The following LYPLAL1 variants were observed in gnomAD, a reference collection of about 807,000 sequenced individuals.
LYPLAL1 encodes lysophospholipase-like protein 1.
Under a neutral mutation model 19.7 loss-of-function variants are expected in LYPLAL1, and 23 were observed. That is an observed-to-expected ratio of 1.17 (90% CI 0.84 to 1.65). LYPLAL1 has a LOEUF of 1.65. Ranked by LOEUF, LYPLAL1 falls within the 40% of genes most tolerant of loss-of-function variation. The pLI, the probability that LYPLAL1 is intolerant of heterozygous loss-of-function variation, is 0.00. For missense variants in LYPLAL1, 355 were observed against 279.4 expected (o/e 1.27, Z -1.93); for synonymous variants, 119 against 96.3 (o/e 1.24, Z -1.38).
chr1:219,266,805 T>C, the LYPLAL1 span, among the ~76,000 whole-genome samples: 1 of 152,188 alleles, frequency 6.6e-6, no homozygotes, highest in Admixed American at 6.5e-5. Flanking sequence ...CAGTCCGTTG[T>C]TGATGGAAAT....
In LYPLAL1 at chr1:219,193,268, T is replaced by G; in HGVS notation, c.361+17T>G. On this transcript the variant is annotated intron_variant, in intron 3 of 4. Transcript: ENST00000366928. ...TATTAATAGGTAAGACCTTTAAATG[T>G]TGGTAATTTATCACTGTTCACTTTT... is the stretch of plus-strand genomic sequence containing the variant. The G allele has an allele frequency of 1.9e-6, 3 of 1,592,228 alleles. No homozygotes were observed. Among genetic ancestry groups the G allele is most frequent in the Non-Finnish European group, 2.6e-6 (3 of 1,166,534 alleles).
chr1:219,327,980 G>T, the LYPLAL1 span, among the ~76,000 whole-genome samples: 1 of 152,096 alleles, frequency 6.6e-6, no homozygotes, highest in East Asian at 1.9e-4. Context: ...CTAATACATA[G>T]GAAAATTGAT....
chr1:219,196,436 A>G (rs1386021081), intron 3 of LYPLAL1, among the ~76,000 whole-genome samples: 2 of 152,172 alleles, frequency 1.3e-5, no homozygotes, highest in East Asian at 3.8e-4. Flanking sequence ...CAGCTCTCTA[A>G]TGATAAGTGA....
the LYPLAL1 span, among the ~76,000 whole-genome samples, chr1:219,331,883 T>A: frequency 1.1e-4 from 17 of 152,276 alleles, no homozygotes; most frequent in Non-Finnish European, 4.4e-5. Flanking sequence ...CTTGCTATCA[T>A]GTGAGAGTCT....
At chr1:219,286,645 T>C in the LYPLAL1 span, among the ~76,000 whole-genome samples, 20,573 of 152,246 alleles carry the variant, frequency 0.14, 1,454 homozygotes, top group East Asian at 0.24. Context: ...TCACTGCTGC[T>C]GCATCCCACT....
chr1:219,290,664 G>A, the LYPLAL1 span, among the ~76,000 whole-genome samples: 5 of 151,978 alleles, frequency 3.3e-5, no homozygotes, highest in Non-Finnish European at 7.4e-5. Context: ...CTCTGTCTGC[G>A]GAATAGCTAT....
chr1:219,330,004 T>C, the LYPLAL1 span, among the ~76,000 whole-genome samples: 1 of 152,128 alleles, frequency 6.6e-6, no homozygotes, highest in African/African-American at 2.4e-5. Flanking sequence ...AGATAAATGT[T>C]AAAATTTACT....
chr1:219,246,463 G>T, the LYPLAL1 span, among the ~76,000 whole-genome samples: 1 of 152,098 alleles, frequency 6.6e-6, no homozygotes, highest in African/African-American at 2.4e-5. Flanking sequence ...GAGGAAAAAA[G>T]ATATTATTTA....
the LYPLAL1 span, among the ~76,000 whole-genome samples, chr1:219,240,896 C>A: frequency 2.0e-5 from 3 of 151,676 alleles, no homozygotes; most frequent in Non-Finnish European, 2.9e-5. Flanking sequence ...CACTTCTAGG[C>A]CTGATCCTTA....
chr1:219,384,980 C>G, the LYPLAL1 span, among the ~76,000 whole-genome samples: 1 of 152,156 alleles, frequency 6.6e-6, no homozygotes, highest in African/African-American at 2.4e-5. Context: ...AAATAAGACT[C>G]TACGGATCTT....
At chr1:219,444,574 G>C in the LYPLAL1 span, among the ~76,000 whole-genome samples, 2 of 152,276 alleles carry the variant, frequency 1.3e-5, no homozygotes, top group South Asian at 4.1e-4. Context: ...TATTGAAACA[G>C]TTCCTGTTCT....
At chr1:219,288,941 C>T in the LYPLAL1 span, among the ~76,000 whole-genome samples, 3 of 152,260 alleles carry the variant, frequency 2.0e-5, no homozygotes, top group South Asian at 2.1e-4. Context: ...TCATTAGGCA[C>T]GCTCTCATTT....
At chr1:219,277,803 A>T in the LYPLAL1 span, among the ~76,000 whole-genome samples, 1 of 151,958 alleles carries the variant, frequency 6.6e-6, no homozygotes, top group Admixed American at 6.6e-5. Flanking sequence ...TTTTTTTTTT[A>T]AATATCAGAG....
At chr1:219,360,980 T>C in the LYPLAL1 span, among the ~76,000 whole-genome samples, 1 of 152,174 alleles carries the variant, frequency 6.6e-6, no homozygotes, top group Non-Finnish European at 1.5e-5. Flanking sequence ...AATGTTCTAG[T>C]TATGAAGACT....
the LYPLAL1 span, among the ~76,000 whole-genome samples, chr1:219,440,011 A>G: frequency 1.1e-5 from 1 of 95,118 alleles, no homozygotes; most frequent in Non-Finnish European, 2.2e-5. Flanking sequence ...ATATATATAT[A>G]TACACACACA....
the LYPLAL1 span, among the ~76,000 whole-genome samples, chr1:219,396,058 G>A: frequency 1.3e-5 from 2 of 148,224 alleles, no homozygotes; most frequent in Non-Finnish European, 3.0e-5. Flanking sequence ...AGCCGAGATT[G>A]CACCACTGTA....
the LYPLAL1 span, among the ~76,000 whole-genome samples, chr1:219,373,863 CAAAAAAAAAAAAAAAAAACAA>C: frequency 3.9e-5 from 4 of 102,216 alleles, no homozygotes; most frequent in Non-Finnish European, 8.0e-5. Flanking sequence ...ATAAAATTGT[CAAAAAAAAAAAAAAAAAACAA>C]AAAAAAAAAC....
chr1:219,434,889 G>GA, the LYPLAL1 span, among the ~76,000 whole-genome samples: 16,796 of 148,968 alleles, frequency 0.11, 1,112 homozygotes, highest in Non-Finnish European at 0.15. Context: ...TGCTGTACTG[G>GA]AAAAAAAAAA....
chr1:219,251,549 A>AT, the LYPLAL1 span, among the ~76,000 whole-genome samples: 11 of 151,258 alleles, frequency 7.3e-5, no homozygotes, highest in African/African-American at 2.2e-4. Context: ...TTCCCCACTG[A>AT]TTTTTTTTTG....
Sources: allele counts gnomAD v4.1 joint callset (sites outside exome capture counted in the v4.1 genomes callset), GRCh38; gene constraint gnomAD v4.1.1; transcripts MANE v1.5; gene names NCBI Gene and HGNC (gene_info 2026-07-23, HGNC 2026-07-21).